The following CDH12 variants were observed in gnomAD, a reference collection of about 807,000 sequenced individuals.
The protein encoded by CDH12 is cadherin-12.
A neutral mutation model predicts 74.1 loss-of-function variants in CDH12; 41 were observed. That is an observed-to-expected ratio of 0.55 (90% CI 0.43 to 0.72). CDH12 has a LOEUF of 0.72. CDH12 is among the 30% of genes least tolerant of loss of function. The pLI is 0.00. For synonymous variants in CDH12, 399 were observed against 355.0 expected, an observed-to-expected ratio of 1.12 and a Z score of -1.39; for missense variants, 945 against 977.2, an observed-to-expected ratio of 0.97 and a Z score of 0.44.
At chr5:22,273,413 G>A (rs1217343326) in intron 3 of CDH12, among the ~76,000 whole-genome samples, 1 of 152,120 alleles carries the variant, frequency 6.6e-6, no homozygotes, top group African/African-American at 2.4e-5. Context: ...GTACAATAAA[G>A]CAAAGCACCA....
chr5:21,780,786 A>T (rs1313408973), intron 11 of CDH12, among the ~76,000 whole-genome samples: 2 of 152,182 alleles, frequency 1.3e-5, no homozygotes, highest in East Asian at 3.9e-4. Flanking sequence ...TATTTCTCAA[A>T]GATCTTATAA....
intron 3 of CDH12, among the ~76,000 whole-genome samples, chr5:22,333,245 C>A (rs1343002624): frequency 6.6e-6 from 1 of 151,788 alleles, no homozygotes; most frequent in Non-Finnish European, 1.5e-5. Flanking sequence ...TGTTTTCACT[C>A]ATAAGTTGGA....
intron 1 of CDH12, among the ~76,000 whole-genome samples, chr5:22,664,553 A>C (rs940155026): frequency 6.6e-6 from 1 of 152,160 alleles, no homozygotes; most frequent in Non-Finnish European, 1.5e-5. Context: ...GGGGATTGCA[A>C]TTCAAGGTGA....
chr5:22,464,199 T>C (rs1580676303), intron 2 of CDH12, among the ~76,000 whole-genome samples: 1 of 152,162 alleles, frequency 6.6e-6, no homozygotes, highest in East Asian at 1.9e-4. Context: ...GACTGGCTCC[T>C]CCTTGCCTTC....
At chr5:22,535,247 C>T (rs185306977) in intron 1 of CDH12, among the ~76,000 whole-genome samples, 3 of 151,198 alleles carry the variant, frequency 2.0e-5, no homozygotes, top group South Asian at 2.1e-4. Context: ...CTCCGCTTCC[C>T]GGGTTCACGC....
chr5:21,766,925 T>C (rs547515364), intron 11 of CDH12, among the ~76,000 whole-genome samples: 5 of 152,018 alleles, frequency 3.3e-5, no homozygotes, highest in African/African-American at 1.2e-4. Flanking sequence ...TTCTCAAATG[T>C]CATAAGTCAA....
At chr5:22,701,877 G>C (rs1049563812) in intron 1 of CDH12, among the ~76,000 whole-genome samples, 3 of 152,008 alleles carry the variant, frequency 2.0e-5, no homozygotes, top group Non-Finnish European at 4.4e-5. Flanking sequence ...GAGCTTGATG[G>C]GCAATGCTGT....
intron 2 of CDH12, among the ~76,000 whole-genome samples, chr5:22,429,208 G>A (rs1225499775): frequency 6.6e-6 from 1 of 151,662 alleles, no homozygotes; most frequent in East Asian, 1.9e-4. Flanking sequence ...CATGACTCAT[G>A]CAGCCCCCAC....
intron 1 of CDH12, among the ~76,000 whole-genome samples, chr5:22,612,467 G>A (rs1737456007): frequency 6.6e-6 from 1 of 152,108 alleles, no homozygotes; most frequent in Non-Finnish European, 1.5e-5. Flanking sequence ...GGCAATGACG[G>A]ATGATTCTCT....
intron 6 of CDH12, among the ~76,000 whole-genome samples, chr5:21,910,670 A>G (rs1753823164): frequency 1.9e-5 from 2 of 105,350 alleles, no homozygotes; most frequent in East Asian, 7.3e-4. Context: ...GAAAGGTAGG[A>G]TTTATCTTTT....
chr5:21,976,878 T>C (rs959964271), intron 5 of CDH12, among the ~76,000 whole-genome samples: 3 of 152,160 alleles, frequency 2.0e-5, no homozygotes, highest in Admixed American at 1.3e-4. Context: ...AATATCCTGT[T>C]GCAAATAAGC....
rs147862733 is a variant in CDH12 at position 22,316,000 on chromosome 5, A to G, written c.-333+89257T>C. 5.3e-3 allele frequency among the ~76,000 whole-genome samples: 800 copies of G among 151,272 alleles called. 4 individuals carry two copies. Among genetic ancestry groups the G allele is most frequent in the African/African-American group, 0.018 (748 of 40,620 alleles). ...CAGCCAGCTAACGGGAACGTTTCTT[A>G]GCCTCTCTTCTAAGTAGGAATAAAA... On this transcript the variant is annotated intron_variant, in intron 3 of 14. Transcript: ENST00000382254.
chr5:21,779,793 C>G (rs1745807026), intron 11 of CDH12, among the ~76,000 whole-genome samples: 1 of 152,158 alleles, frequency 6.6e-6, no homozygotes, highest in African/African-American at 2.4e-5. Flanking sequence ...CCCTGTTCAG[C>G]TGGCTAGTGT....
chr5:22,723,418 A>T (rs1744002150), intron 1 of CDH12, among the ~76,000 whole-genome samples: 1 of 152,164 alleles, frequency 6.6e-6, no homozygotes, highest in Non-Finnish European at 1.5e-5. Flanking sequence ...ACAGAGGATG[A>T]GTTAAAAGTG....
chr5:22,549,136 TG>T lies in CDH12; in HGVS notation c.-522-43773del, dbSNP rs201691832. ...TTTGTTTGTTTATTTGTTTTTTTTT[TG>T]TTTTTTTTGTTTTTTTGTAGAGATG... On this transcript the variant is annotated intron_variant, in intron 1 of 14. Transcript: ENST00000382254. 4.0e-3 allele frequency among the ~76,000 whole-genome samples: 600 copies of T among 151,384 alleles called. 5 individuals carry two copies. The highest frequency in any genetic ancestry group is 0.013 in the African/African-American group (530 of 41,274).
At chr5:22,267,344 C>G (rs1448575751) in intron 3 of CDH12, among the ~76,000 whole-genome samples, 1 of 152,058 alleles carries the variant, frequency 6.6e-6, no homozygotes, top group African/African-American at 2.4e-5. Context: ...AATTCTCTAT[C>G]GAGCATTTTA....
intron 1 of CDH12, among the ~76,000 whole-genome samples, chr5:22,784,836 G>GATAATGAGGTTTA (rs1747547015): frequency 6.6e-6 from 1 of 152,102 alleles, no homozygotes; most frequent in Non-Finnish European, 1.5e-5. Flanking sequence ...TATGGCAAGT[G>GATAATGAGGTTTA]ATAATGAGGT....
chr5:22,021,069 A>C (rs964612694), intron 5 of CDH12, among the ~76,000 whole-genome samples: 7 of 152,186 alleles, frequency 4.6e-5, no homozygotes, highest in African/African-American at 1.7e-4. Context: ...ACATTTGTCA[A>C]ATTGGGGATA....
intron 3 of CDH12, chr5:22,212,898 A>T (rs1019393533): frequency 6.6e-6 from 1 of 152,120 alleles, no homozygotes; most frequent in African/African-American, 2.4e-5. Flanking sequence ...CCACTTGGGA[A>T]TCTTGTCTTT....
Sources: allele counts gnomAD v4.1 joint callset (sites outside exome capture counted in the v4.1 genomes callset), GRCh38; gene constraint gnomAD v4.1.1; transcripts MANE v1.5; gene names NCBI Gene and HGNC (gene_info 2026-07-23, HGNC 2026-07-21).